Variants in GSDMB observed in about 807,000 individuals in gnomAD.
The protein encoded by GSDMB is gasdermin-B.
GSDMB carries 32 observed loss-of-function variants against 42.9 expected under a neutral mutation model. The ratio of observed to expected loss-of-function variants is 0.75; its 90% CI spans 0.56 to 1.00. GSDMB has a LOEUF of 1.00. Ranked by LOEUF, GSDMB falls within the 50% of genes least tolerant of loss-of-function variation. The pLI, the probability that GSDMB is intolerant of heterozygous loss-of-function variation, is 0.00. For synonymous variants in GSDMB, 175 were observed against 193.7 expected (o/e 0.90, Z 0.80); for missense variants, 468 against 498.5 (o/e 0.94, Z 0.58).
chr17:39,910,494 T>C (rs2063587811), intron 3 of GSDMB, among the ~76,000 whole-genome samples: 1 of 152,218 alleles, frequency 6.6e-6, no homozygotes, highest in South Asian at 2.1e-4. Context: ...TGACAGGTTG[T>C]GAGTGGTCCA....
intron 1 of GSDMB, chr17:39,918,220 T>A (rs2063750370): frequency 1.3e-5 from 2 of 152,242 alleles, no homozygotes; most frequent in African/African-American, 4.8e-5. Context: ...CTCTGATTCT[T>A]GGGCTCCCTG....
Position 39,909,740 on chromosome 17 carries a change from C to A in GSDMB, c.576+16G>T. The A allele has an allele frequency of 1.2e-6, 2 of 1,611,506 alleles. No individual in the cohort carries two copies. Among genetic ancestry groups the A allele is most frequent in the Non-Finnish European group, 1.7e-6 (2 of 1,178,656 alleles). On this transcript the variant is annotated intron_variant, in intron 4 of 10. Transcript: ENST00000418519. ...CAACACTGGCCTCCACAGTCCCTGC[C>A]TCCCAGGATCCTAACCTTGTGTTTA...
In GSDMB at chr17:39,918,536, C is replaced by A. The variant is rs1037495539; in HGVS notation, c.-17G>T. The stretch of plus-strand genomic sequence containing the variant: ...GGCCCATCTCAAGTGGTACCCACCT[C>A]CTCTCTGACCTCAGCTGTTCACCAG... On this transcript the variant is annotated splice_region_variant and 5_prime_UTR_variant, in exon 1 of 11. Coordinates refer to ENST00000418519, the MANE Select transcript of GSDMB (RefSeq NM_001165958.2). The A allele has an allele frequency of 1.3e-5, 2 of 152,422 alleles. No homozygotes were observed. Among genetic ancestry groups the A allele is most frequent in the African/African-American group, 4.8e-5 (2 of 41,436 alleles). 9.4% of individuals were successfully genotyped at this position (152,422 alleles called of 1,614,324 possible).
Position 39,904,748 on chromosome 17 carries a change from G to A in GSDMB, c.*64C>T, listed in dbSNP as rs1218777249. 1 of 1,361,834 alleles carries A rather than the reference G, an allele frequency of 7.3e-7. No homozygotes were observed. 84.4% of individuals were successfully genotyped at this position (1,361,834 alleles called of 1,614,324 possible). A position where few individuals can be genotyped will look rare whatever the true frequency, so the allele number is the denominator to read the frequency against. Reference sequence around the variant, plus strand: ...CTGGTGACAGGATGGTAGTGGCGATGGCAGTGAGGACAGACTGGTAAAGGG... The same window carrying A: ...CTGGTGACAGGATGGTAGTGGCGATAGCAGTGAGGACAGACTGGTAAAGGG... On this transcript the variant is annotated 3_prime_UTR_variant, in exon 11 of 11. Transcript: ENST00000418519.
At chr17:39,913,021 C>T (rs921649) in intron 2 of GSDMB, among the ~76,000 whole-genome samples, 90,717 of 151,904 alleles carry the variant, frequency 0.6, 28,329 homozygotes, top group African/African-American at 0.79. Flanking sequence ...GCATGAGAAT[C>T]GCTTGAACCC....
chr17:39,909,909 T>C lies in GSDMB; in HGVS notation c.423A>G (p.Glu141=), dbSNP rs777945118. The part of the protein sequence containing the change: ...ATLENRKLKR[E]LPFSFRSINT... The stretch of plus-strand genomic sequence containing the variant: ...TAATTGATCGGAATGAAAAGGGTAG[T>C]TCCCTCTTCAGCTTCCTGGAGAGAG... The change falls in exon 4 of 11, where the codon GAA becomes GAG. Residue 141 remains glutamate, a synonymous_variant. Transcript: ENST00000418519. 53 of 1,613,278 alleles carry C rather than the reference T, an allele frequency of 3.3e-5. No individual in the cohort carries two copies. Among genetic ancestry groups the C allele is most frequent in the Non-Finnish European group, 4.3e-5 (51 of 1,179,376 alleles).
chr17:39,911,738 G>A (rs944974564), intron 3 of GSDMB, among the ~76,000 whole-genome samples: 3 of 152,164 alleles, frequency 2.0e-5, no homozygotes, highest in East Asian at 1.9e-4. Context: ...TGGGAAAGAC[G>A]AACATGGAAG....
At chr17:39,906,703 A>T in intron 7 of GSDMB, 1 of 1,210,320 alleles carries the variant, frequency 8.3e-7, no homozygotes, top group Non-Finnish European at 1.1e-6. Flanking sequence ...CCCCACAATT[A>T]AGTCAGAGTT....
chr17:39,910,066 C>T (rs2063580352), intron 3 of GSDMB, 142 bp from the exon 4 acceptor site: 2 of 683,902 alleles, frequency 2.9e-6, no homozygotes, highest in East Asian at 2.6e-5. Context: ...CACCCCATCG[C>T]AGTTCACTTT....
In GSDMB at chr17:39,909,053, G is replaced by A. The variant is rs1291803235; in HGVS notation, c.577-11C>T. Reference sequence around the variant, plus strand: ...CACTTCCCTTTGGCCCTAGAAAAAGGAGCTCACATTGACGGATCCCCAGGT... The same window carrying A: ...CACTTCCCTTTGGCCCTAGAAAAAGAAGCTCACATTGACGGATCCCCAGGT... On this transcript the variant is annotated splice_polypyrimidine_tract_variant and intron_variant, in intron 4 of 10. Transcript: ENST00000418519. 1.9e-6 allele frequency: 3 copies of A among 1,556,054 alleles called. No homozygotes were observed. Among genetic ancestry groups the A allele is most frequent in the Middle Eastern group, 3.4e-4 (2 of 5,910 alleles).
At position 39,904,975 on chromosome 17, in the gene GSDMB, AC is replaced by A. The variant is rs928001616; in HGVS notation, c.1099-12del. ...CATGACAGATTTCACCTGGAAGGAA[AC>A]CCCCCAGATTGTAACAGCTAGGAAC... is the stretch of plus-strand genomic sequence containing the variant. On this transcript the variant is annotated splice_polypyrimidine_tract_variant and intron_variant, in intron 10 of 10. Transcript: ENST00000418519. 6.2e-7 allele frequency: 1 copy of A among 1,612,140 alleles called. No homozygotes were observed. Among genetic ancestry groups the A allele is most frequent in the Non-Finnish European group, 8.5e-7 (1 of 1,178,746 alleles).
chr17:39,907,023 G>T (rs577202704), intron 6 of GSDMB, 36 bp from the exon 7 acceptor site: 83 of 1,613,566 alleles, frequency 5.1e-5, no homozygotes, highest in Non-Finnish European at 6.5e-5. Flanking sequence ...AGAATCTTCA[G>T]ATCACCTCCA....
At position 39,909,793 on chromosome 17, in the gene GSDMB, C is replaced by T. The variant is rs779074261; in HGVS notation, c.539G>A (p.Ser180Asn). Residue 180 changes from serine to asparagine, a missense_variant, in exon 4 of 11, where the codon AGC (serine) becomes AAC (asparagine). Coordinates refer to ENST00000418519, the MANE Select transcript of GSDMB (RefSeq NM_001165958.2). Reference protein sequence around the residue: ...LKSDRQYKFWSQISQGHLSYK... With the variant: ...LKSDRQYKFWNQISQGHLSYK... ...GCTGAGATGGCCCTGAGAGATCTGG[C>T]TCCAAAATTTATATTGCCGGTCGCT... 3.1e-6 allele frequency: 5 copies of T among 1,614,148 alleles called. No individual in the cohort carries two copies. In the East Asian group the frequency reaches 1.1e-4, roughly 36 times the overall value.
At position 39,917,203 on chromosome 17, in the gene GSDMB, A is replaced by G. The variant is rs999356809; in HGVS notation, c.114T>C (p.His38=). 3 of 1,613,950 alleles carry G rather than the reference A, an allele frequency of 1.9e-6. No individual in the cohort carries two copies. The highest frequency in any genetic ancestry group is 2.7e-5 in the African/African-American group (2 of 74,910). Residue 38 remains histidine (H), a synonymous_variant, in exon 2 of 11, where the codon CAT becomes CAC. Coordinates refer to ENST00000418519, the MANE Select transcript of GSDMB (RefSeq NM_001165958.2). ...LVDADRFRCF[H]LVGEKRTFFG... Reference sequence around the variant, plus strand: ...AGAAAGTTCTCTTCTCCCCCACCAGATGGAAGCAGCGGAATCTATCAGCAT... The same window carrying G: ...AGAAAGTTCTCTTCTCCCCCACCAGGTGGAAGCAGCGGAATCTATCAGCAT...
Position 39,908,222 on chromosome 17 carries a change from A to G in GSDMB, c.662-8T>C, listed in dbSNP as rs1441380719. ...TGCCCCTGAAATGAATATCTAAACCAGCACCAAAAAGGGAGGAAAAAACAA... is the reference window on the plus strand; with the variant it reads ...TGCCCCTGAAATGAATATCTAAACCGGCACCAAAAAGGGAGGAAAAAACAA... On this transcript the variant is annotated splice_polypyrimidine_tract_variant and splice_region_variant and intron_variant, in intron 5 of 10. Coordinates refer to ENST00000418519, the MANE Select transcript of GSDMB (RefSeq NM_001165958.2). 2 of 1,492,886 alleles carry G rather than the reference A, an allele frequency of 1.3e-6. No individual in the cohort carries two copies. Among genetic ancestry groups the G allele is most frequent in the Non-Finnish European group, 1.8e-6 (2 of 1,092,860 alleles). The allele number at this position is 1,492,886 out of a possible 1,614,324, so 92.5% of individuals were successfully genotyped here.
Position 39,917,257 on chromosome 17 carries a change from C to T in GSDMB, c.60G>A (p.Gly20=), listed in dbSNP as rs747371413. 16 of 1,613,878 alleles carry T rather than the reference C, an allele frequency of 9.9e-6. No homozygotes were observed. Among genetic ancestry groups the T allele is most frequent in the Non-Finnish European group, 1.3e-5 (15 of 1,179,850 alleles). The change falls in exon 2 of 11, where the codon GGG becomes GGA. Residue 20 remains glycine (G), a synonymous_variant. Transcript: ENST00000418519. ...CAAGGCTTCTAACGGCAATCATATC[C>T]CCTCCAGCATCCATCTCCTTAACTA... ...RIVVKEMDAG[G]DMIAVRSLVD...
Position 39,909,814 on chromosome 17 carries a change from T to C in GSDMB, c.518A>G (p.Asp173Gly). ...ETVKEETLKSDRQYKFWSQIS... is the reference protein window; with the variant it reads ...ETVKEETLKSGRQYKFWSQIS... ...CTGGCTCCAAAATTTATATTGCCGG[T>C]CGCTTTTCAGGGTTTCCTCCTTTAC... is the stretch of plus-strand genomic sequence containing the variant. Residue 173 changes from aspartate (D) to glycine (G), a missense_variant, in exon 4 of 11, where the codon GAC (aspartate) becomes GGC (glycine). By Grantham distance (94) the Asp-to-Gly change is moderately conservative. Coordinates refer to ENST00000418519, the MANE Select transcript of GSDMB (RefSeq NM_001165958.2). The C allele has an allele frequency of 6.2e-7, 1 of 1,614,144 alleles. No homozygotes were observed. The highest frequency in any genetic ancestry group is 8.5e-7 in the Non-Finnish European group (1 of 1,179,994).
intron 3 of GSDMB, among the ~76,000 whole-genome samples, 169 bp downstream of exon 3, chr17:39,912,157 G>T (rs1417971735): frequency 6.6e-6 from 1 of 152,096 alleles, no homozygotes; most frequent in African/African-American, 2.4e-5. Flanking sequence ...GAAGTAGAGA[G>T]CGAGAGGCTG....
At position 39,914,849 on chromosome 17, in the gene GSDMB, T is replaced by G. The variant is rs554298704; in HGVS notation, c.235+2233A>C. 1.3e-4 allele frequency among the ~76,000 whole-genome samples: 20 copies of G among 151,994 alleles called. No homozygotes were observed. In the East Asian group the frequency reaches 1.4e-3, roughly 10 times the overall value. On this transcript the variant is annotated intron_variant, in intron 2 of 10. Coordinates refer to ENST00000418519, the MANE Select transcript of GSDMB (RefSeq NM_001165958.2). The stretch of plus-strand genomic sequence containing the variant: ...CTATGCACACTTTTTTTTTTGTTTT[T>G]TTTTGAGACGGAGTCTTGCTTTGTC...
Sources: allele counts gnomAD v4.1 joint callset (sites outside exome capture counted in the v4.1 genomes callset), GRCh38; gene constraint gnomAD v4.1.1; transcripts MANE v1.5; gene names NCBI Gene and HGNC (gene_info 2026-07-23, HGNC 2026-07-21).